ATP2A3: variants seen among roughly 807,000 people sequenced by gnomAD.
ATP2A3 encodes the protein sarcoplasmic/endoplasmic reticulum calcium ATPase 3.
Under a neutral mutation model 106.8 loss-of-function variants are expected in ATP2A3, and 61 were observed. The observed-to-expected ratio is 0.57, with a 90% CI of 0.46 to 0.71. The LOEUF is 0.71. Ranked by LOEUF, ATP2A3 falls within the 30% of genes least tolerant of loss-of-function variation. ATP2A3 has a pLI of 0.00. For synonymous variants in ATP2A3, 611 were observed against 609.3 expected, an observed-to-expected ratio of 1.00 and a Z score of -0.04; for missense variants, 1,201 against 1,423.5, an observed-to-expected ratio of 0.84 and a Z score of 2.52.
intron 17 of ATP2A3, among the ~76,000 whole-genome samples, chr17:3,933,527 G>A (rs576101717): frequency 1.1e-4 from 16 of 151,286 alleles, no homozygotes; most frequent in East Asian, 7.8e-4. Flanking sequence ...CATGAGGTCA[G>A]GAGATCGAGA....
intron 10 of ATP2A3, 144 bp from the exon 11 acceptor site, chr17:3,943,666 C>A (rs902444845): frequency 2.3e-6 from 3 of 1,312,608 alleles, no homozygotes; most frequent in African/African-American, 2.9e-5. Flanking sequence ...CCCTTCCCAG[C>A]CTGGCCGCCC....
chr17:3,940,767 C>T (rs1450076911), intron 14 of ATP2A3, among the ~76,000 whole-genome samples: 1 of 152,240 alleles, frequency 6.6e-6, no homozygotes, highest in Admixed American at 6.5e-5. Flanking sequence ...CTCAGCCTCC[C>T]AAAGTGCTGA....
chr17:3,949,419 C>A (rs1281658848), intron 7 of ATP2A3, among the ~76,000 whole-genome samples: 1 of 152,226 alleles, frequency 6.6e-6, no homozygotes, highest in Admixed American at 6.5e-5. Flanking sequence ...GGGCATCATG[C>A]CTTGTGGGTC....
intron 8 of ATP2A3, among the ~76,000 whole-genome samples, chr17:3,946,350 T>C (rs956386965): frequency 1.3e-5 from 2 of 151,302 alleles, no homozygotes; most frequent in South Asian, 4.2e-4. Context: ...TCAGGAGTTA[T>C]AGACCAGCCT....
chr17:3,959,820 C>T (rs934276460), intron 1 of ATP2A3, among the ~76,000 whole-genome samples: 2 of 152,226 alleles, frequency 1.3e-5, no homozygotes, highest in Non-Finnish European at 2.9e-5. Flanking sequence ...AGTAGCTCTC[C>T]GCTCTGCAGC....
In ATP2A3 at chr17:3,958,421, C is replaced by G. The variant is rs1201745398; in HGVS notation, c.119-4711G>C. Among the ~76,000 whole-genome samples, 3 of 152,166 alleles carry G rather than the reference C, an allele frequency of 2.0e-5. No individual in the cohort carries two copies. The East Asian group carries it at 5.8e-4, about 29-fold the overall frequency. Reference sequence around the variant, plus strand: ...ATATGTGATGGATGACTGACCCTGCCTCTGTCCTGTTCACAGAGCTTCAGT... The same window carrying G: ...ATATGTGATGGATGACTGACCCTGCGTCTGTCCTGTTCACAGAGCTTCAGT... On this transcript the variant is annotated intron_variant, in intron 1 of 20. Coordinates refer to ENST00000397041, the MANE Select transcript of ATP2A3 (RefSeq NM_005173.4).
At position 3,945,824 on chromosome 17, in the gene ATP2A3, C is replaced by T. The variant is rs554599241; in HGVS notation, c.1096-676G>A. Among the ~76,000 whole-genome samples, 74 of 152,186 alleles carry T rather than the reference C, an allele frequency of 4.9e-4. 1 individual carries two copies. The highest frequency in any genetic ancestry group is 9.3e-4 in the Non-Finnish European group (63 of 68,034). On this transcript the variant is annotated intron_variant, in intron 8 of 20. Coordinates refer to ENST00000397041, the MANE Select transcript of ATP2A3 (RefSeq NM_005173.4). Reference sequence around the variant, plus strand: ...ATTCTCAAGCAAATGGCCAGCCCAGCGCCCAGTAGATGCATAAGTGTCCCT... The same window carrying T: ...ATTCTCAAGCAAATGGCCAGCCCAGTGCCCAGTAGATGCATAAGTGTCCCT...
intron 20 of ATP2A3, chr17:3,927,696 T>C: frequency 1.1e-5 from 11 of 983,692 alleles, no homozygotes; most frequent in African/African-American, 3.5e-5. Context: ...AGGCTTGCCT[T>C]GGCTGAGTGC....
At position 3,945,037 on chromosome 17, in the gene ATP2A3, G is replaced by T. The variant is rs1156693362; in HGVS notation, c.1184+23C>A. 1.3e-5 allele frequency: 19 copies of T among 1,499,252 alleles called. No homozygotes were observed. The Admixed American group carries it at 2.2e-4, about 17-fold the overall frequency. The allele number at this position is 1,499,252 out of a possible 1,614,324, so 92.9% of individuals were successfully genotyped here. A position where few individuals can be genotyped will look rare whatever the true frequency, so the allele number is the denominator to read the frequency against. On this transcript the variant is annotated intron_variant, in intron 9 of 20. Transcript: ENST00000397041. Reference sequence around the variant, plus strand: ...CCCCGCCCCCAGGCCGCCCGCCCGCGCGTCCCCTGGCCCCGCACTCACACT... The same window carrying T: ...CCCCGCCCCCAGGCCGCCCGCCCGCTCGTCCCCTGGCCCCGCACTCACACT...
chr17:3,943,493 C>A lies in ATP2A3; in HGVS notation c.1317G>T (p.Glu439Asp), dbSNP rs143762354. ...GGCAAGTCAGAGCTGTCTCCGTGGC[C>A]TCTCCCACCTTCTCATACACACCCT... is the stretch of plus-strand genomic sequence containing the variant. Reference protein sequence around the residue: ...EAKGVYEKVGEATETALTCLV... With the variant: ...EAKGVYEKVGDATETALTCLV... The change falls in exon 11 of 21, where the codon GAG (glutamate) becomes GAT (aspartate). Residue 439 changes from glutamate to aspartate, a missense_variant. This residue lies in a region of ATP2A3 where 935 missense variants were observed against 1,176.7 expected (regional missense o/e 0.79). Coordinates refer to ENST00000397041, the MANE Select transcript of ATP2A3 (RefSeq NM_005173.4). 2 of 1,614,082 alleles carry A rather than the reference C, an allele frequency of 1.2e-6. No individual in the cohort carries two copies. The highest frequency in any genetic ancestry group is 1.7e-6 in the Non-Finnish European group (2 of 1,179,982).
chr17:3,950,407 A>G (rs572610932), intron 7 of ATP2A3, 104 bp downstream of exon 7: 2 of 1,234,118 alleles, frequency 1.6e-6, no homozygotes, highest in African/African-American at 1.5e-5. Flanking sequence ...CAGGTGATCC[A>G]CCCACCTCAG....
Position 3,944,719 on chromosome 17 carries a change from A to AGTCGTTGCAGTCCAGC in ATP2A3, c.1271_1272insGCTGGACTGCAACGAC (p.Tyr427CysfsTer14). The stretch of plus-strand genomic sequence containing the variant: ...TGAGGCCCACCTCGTTGTAGTCCAG[A>AGTCGTTGCAGTCCAGC]GCCGAGTCGTTGCACAGGGCGCAGA... On this transcript the variant is annotated frameshift_variant, in exon 10 of 21. Transcript: ENST00000397041. LOFTEE classifies it high-confidence loss of function. 1 of 1,612,072 alleles carries AGTCGTTGCAGTCCAGC rather than the reference A, an allele frequency of 6.2e-7. No individual in the cohort carries two copies. The highest frequency in any genetic ancestry group is 8.5e-7 in the Non-Finnish European group (1 of 1,178,982).
At chr17:3,940,418 T>G (rs2053693104) in intron 14 of ATP2A3, among the ~76,000 whole-genome samples, 1 of 152,324 alleles carries the variant, frequency 6.6e-6, no homozygotes, top group Non-Finnish European at 1.5e-5. Context: ...AATGGCTGCA[T>G]GGACAGGTAT....
rs1017031703 is a variant in ATP2A3 at position 3,926,774 on chromosome 17, T to C, written c.2981-1333A>G. 1.3e-6 allele frequency: 1 copy of C among 796,288 alleles called. No homozygotes were observed. Among genetic ancestry groups the C allele is most frequent in the Non-Finnish European group, 1.5e-6 (1 of 657,436 alleles). The allele number at this position is 796,288 out of a possible 1,614,324, so 49.3% of individuals were successfully genotyped here. ...TAGTAGAGATGGGGTTTCACCATGTTGGCCAGGCTGGTCTCTAACTCCTGA... is the reference window on the plus strand; with the variant it reads ...TAGTAGAGATGGGGTTTCACCATGTCGGCCAGGCTGGTCTCTAACTCCTGA... On this transcript the variant is annotated intron_variant, in intron 20 of 20. Transcript: ENST00000397041. This position sits in a 1 kb window ranked among gnomAD's most constrained non-coding sequence, Gnocchi z 4.6.
At chr17:3,962,720 A>G (rs1016607385) in intron 1 of ATP2A3, among the ~76,000 whole-genome samples, 20 of 112 alleles carry the variant, frequency 0.18, no homozygotes, top group Non-Finnish European at 0.26. Context: ...CAGAATGAAG[A>G]CAGACCTGGC....
rs1428263288 is a variant in ATP2A3 at position 3,944,797 on chromosome 17, C to G, written c.1194G>C (p.Gly398=). 1.2e-6 allele frequency: 2 copies of G among 1,610,424 alleles called. No individual in the cohort carries two copies. Among genetic ancestry groups the G allele is most frequent in the Non-Finnish European group, 1.7e-6 (2 of 1,178,592 alleles). Residue 398 remains glycine, a synonymous_variant, in exon 10 of 21, where the codon GGG becomes GGC. Transcript: ENST00000397041. ...ACTGGCCGCAGCGCACAGGCTGATC[C>G]CCCTGCCGCCTGCGGAGCCGGGGCG... ...TYTPEGEVRQ[G]DQPVRCGQFD...
Position 3,930,202 on chromosome 17 carries a change from A to C in ATP2A3, c.2744+99T>G. 2.7e-6 allele frequency: 3 copies of C among 1,127,382 alleles called. No homozygotes were observed. Among genetic ancestry groups the C allele is most frequent in the Admixed American group, 3.3e-5 (1 of 30,020 alleles). 69.8% of individuals were successfully genotyped at this position (1,127,382 alleles called of 1,614,324 possible). ...GGCCCCAGCTCCAGGCCCTGCGCCC[A>C]GCCCACCTGGACCCCTGACCCTCAG... On this transcript the variant is annotated intron_variant, in intron 18 of 20. Coordinates refer to ENST00000397041, the MANE Select transcript of ATP2A3 (RefSeq NM_005173.4). The surrounding 1 kb of genome is among the most constrained non-coding windows in gnomAD (Gnocchi z 5.4).
intron 4 of ATP2A3, 23 bp downstream of exon 4, chr17:3,951,558 G>GGGCCCCCCCCC: frequency 1.4e-6 from 1 of 716,234 alleles, no homozygotes; most frequent in Non-Finnish European, 2.1e-6. Context: ...CCCCCGCCCG[G>GGGCCCCCCCCC]TCCCACCCCC....
rs1597673538 is a variant in ATP2A3 at position 3,956,931 on chromosome 17, C to G, written c.119-3221G>C. ...GCCAGCTCCTTGTGGGGCCTTGAGC[C>G]TCATTTGGGAGGTGGGGTACCCACA... On this transcript the variant is annotated intron_variant, in intron 1 of 20. Coordinates refer to ENST00000397041, the MANE Select transcript of ATP2A3 (RefSeq NM_005173.4). 2.0e-5 allele frequency among the ~76,000 whole-genome samples: 3 copies of G among 152,368 alleles called. No homozygotes were observed. In the East Asian group the frequency reaches 5.8e-4, roughly 29 times the overall value.
Sources: allele counts gnomAD v4.1 joint callset (sites outside exome capture counted in the v4.1 genomes callset), GRCh38; gene constraint gnomAD v4.1.1; regional missense constraint gnomAD v4.1.1; non-coding constraint Gnocchi (gnomAD v3.1); transcripts MANE v1.5; gene names NCBI Gene and HGNC (gene_info 2026-07-23, HGNC 2026-07-21).